The following FOXP2 variants were observed in gnomAD, a reference collection of about 807,000 sequenced individuals.
The protein encoded by FOXP2 is forkhead box protein P2.
A neutral mutation model predicts 115.8 loss-of-function variants in FOXP2; 12 were observed. The ratio of observed to expected loss-of-function variants is 0.10; its 90% confidence interval spans 0.07 to 0.17. The LOEUF is 0.17. Ranked by LOEUF, FOXP2 falls within the 10% of genes least tolerant of loss-of-function variation. The probability of loss-of-function intolerance (pLI) is 1.00; values close to 1 mark genes in which losing one functional copy is unlikely to be tolerated. For synonymous variants in FOXP2, 328 were observed against 297.7 expected, an observed-to-expected ratio of 1.10 and a Z score of -1.05; for missense variants, 629 against 843.5, an observed-to-expected ratio of 0.75 and a Z score of 3.15.
intron 2 of FOXP2, among the ~76,000 whole-genome samples, chr7:114,475,776 T>G (rs1460463849): frequency 6.6e-6 from 1 of 151,898 alleles, no homozygotes; most frequent in Non-Finnish European, 1.5e-5. Context: ...ACCTAATAAA[T>G]GTGCACAGGT....
chr7:114,229,208 A>G (rs1279986661), intron 1 of FOXP2, among the ~76,000 whole-genome samples: 1 of 150,744 alleles, frequency 6.6e-6, no homozygotes, highest in Non-Finnish European at 1.5e-5. Flanking sequence ...AACTATTATA[A>G]ATATATATTT....
intron 2 of FOXP2, among the ~76,000 whole-genome samples, chr7:114,390,522 G>GTATGTATGTATGTATTTATTTATT (rs1554382697): frequency 2.7e-5 from 4 of 148,364 alleles, no homozygotes; most frequent in African/African-American, 9.9e-5. Context: ...TTTTATTTAT[G>GTATGTATGTATGTATTTATTTATT]TATTTATTTA....
intron 1 of FOXP2, among the ~76,000 whole-genome samples, chr7:114,103,545 G>T (rs1171882813): frequency 1.3e-5 from 2 of 151,936 alleles, no homozygotes; most frequent in Non-Finnish European, 2.9e-5. Context: ...TGGGGGAAAT[G>T]GGGGAGATGA....
chr7:114,155,015 T>TA (rs1792626250), intron 1 of FOXP2, among the ~76,000 whole-genome samples: 1 of 152,132 alleles, frequency 6.6e-6, no homozygotes, highest in African/African-American at 2.4e-5. Flanking sequence ...TTCTTTTCCC[T>TA]AAAATAACTC....
chr7:114,339,383 A>C (rs1337595426), intron 2 of FOXP2, among the ~76,000 whole-genome samples: 2 of 151,294 alleles, frequency 1.3e-5, no homozygotes, highest in Non-Finnish European at 3.0e-5. Context: ...CAATATAGTA[A>C]TGAATATAAT....
chr7:114,256,742 T>C (rs1795623184), intron 1 of FOXP2, among the ~76,000 whole-genome samples: 1 of 152,168 alleles, frequency 6.6e-6, no homozygotes, highest in African/African-American at 2.4e-5. Flanking sequence ...TTTGTTGCAA[T>C]TGTTTTTGAC....
At chr7:114,532,357 A>C (rs531388626) in intron 2 of FOXP2, among the ~76,000 whole-genome samples, 13 of 152,080 alleles carry the variant, frequency 8.5e-5, no homozygotes, top group Non-Finnish European at 1.9e-4. Context: ...TGAAAAATGA[A>C]TATGCTCTCT....
At chr7:114,117,214 C>T (rs925006004) in intron 1 of FOXP2, among the ~76,000 whole-genome samples, 2 of 150,856 alleles carry the variant, frequency 1.3e-5, no homozygotes, top group Admixed American at 1.3e-4. Context: ...ATATTATATA[C>T]ATTACATTAC....
intron 2 of FOXP2, among the ~76,000 whole-genome samples, chr7:114,371,755 T>C (rs1792015472): frequency 6.6e-6 from 1 of 152,170 alleles, no homozygotes. Context: ...AACTACTAAA[T>C]AAATGTTTAA....
chr7:114,454,087 C>CA (rs1456667046), intron 2 of FOXP2, among the ~76,000 whole-genome samples: 1 of 150,104 alleles, frequency 6.7e-6, no homozygotes, highest in Non-Finnish European at 1.5e-5. Flanking sequence ...AGGCAACCTA[C>CA]AAAATGGGAG....
intron 3 of FOXP2, among the ~76,000 whole-genome samples, chr7:114,550,866 T>G (rs1800171697): frequency 6.6e-6 from 1 of 152,224 alleles, no homozygotes; most frequent in Non-Finnish European, 1.5e-5. Context: ...TAAGCAATAT[T>G]TTTTGAGAAC....
intron 1 of FOXP2, among the ~76,000 whole-genome samples, chr7:114,424,177 G>C (rs924474653): frequency 6.6e-6 from 1 of 151,258 alleles, no homozygotes; most frequent in African/African-American, 2.4e-5. Flanking sequence ...CTCTTTGCTT[G>C]TTGATTATTC....
chr7:114,691,782 C>A lies in FOXP2; in HGVS notation c.*1856C>A. On this transcript the variant is annotated 3_prime_UTR_variant, in exon 17 of 17. Coordinates refer to ENST00000350908, the MANE Select transcript of FOXP2 (RefSeq NM_014491.4). ...ATGTGATGGAACCGGTTCTTGCAAA[C>A]TAAGCTCATCATTGATTCTTTGCTG... 2.2e-6 allele frequency: 1 copy of A among 453,326 alleles called. No individual in the cohort carries two copies. Among genetic ancestry groups the A allele is most frequent in the South Asian group, 1.6e-5 (1 of 64,310 alleles). The allele number at this position is 453,326 out of a possible 1,614,324, so 28.1% of individuals were successfully genotyped here. A position where few individuals can be genotyped will look rare whatever the true frequency, so the allele number is the denominator to read the frequency against.
intron 2 of FOXP2, among the ~76,000 whole-genome samples, chr7:114,516,660 C>T (rs1434650779): frequency 1.3e-5 from 2 of 151,546 alleles, no homozygotes; most frequent in Admixed American, 1.3e-4. Context: ...CTAACCAATA[C>T]TTGGTAATTT....
chr7:114,359,907 G>A (rs759162640), intron 2 of FOXP2, among the ~76,000 whole-genome samples: 1 of 152,176 alleles, frequency 6.6e-6, no homozygotes, highest in Non-Finnish European at 1.5e-5. Flanking sequence ...GCTAAAATGA[G>A]TTAAGGCTTT....
At chr7:114,408,577 AT>A (rs1311210374) in intron 2 of FOXP2, among the ~76,000 whole-genome samples, 1 of 152,056 alleles carries the variant, frequency 6.6e-6, no homozygotes, top group Non-Finnish European at 1.5e-5. Context: ...AAATACAAAA[AT>A]TAGCAGGGCA....
chr7:114,660,135 A>G (rs1806788755), intron 13 of FOXP2, among the ~76,000 whole-genome samples: 1 of 152,186 alleles, frequency 6.6e-6, no homozygotes, highest in Admixed American at 6.5e-5. Context: ...ATGGCTACTC[A>G]GCTGGAACTA....
chr7:114,492,761 A>C (rs538581455), intron 2 of FOXP2, among the ~76,000 whole-genome samples: 1 of 152,120 alleles, frequency 6.6e-6, no homozygotes, highest in East Asian at 1.9e-4. Flanking sequence ...GTTTGATTGC[A>C]CTGTGGTCTG....
intron 1 of FOXP2, among the ~76,000 whole-genome samples, chr7:114,243,007 CT>C (rs1795192689): frequency 2.0e-5 from 3 of 152,062 alleles, no homozygotes; most frequent in African/African-American, 7.2e-5. Flanking sequence ...GATTCAGATT[CT>C]ATTAACTTTT....
Sources: allele counts gnomAD v4.1 joint callset (sites outside exome capture counted in the v4.1 genomes callset), GRCh38; gene constraint gnomAD v4.1.1; transcripts MANE v1.5; gene names NCBI Gene and HGNC (gene_info 2026-07-23, HGNC 2026-07-21).